Variants in EBF2 observed in about 807,000 individuals in gnomAD.
EBF2 encodes EBF transcription factor 2, also known as transcription factor COE2.
A neutral mutation model predicts 72.8 loss-of-function variants in EBF2; 21 were observed. The ratio of observed to expected loss-of-function variants is 0.29; its 90% CI spans 0.20 to 0.42. EBF2 has a LOEUF of 0.42. Ranked by LOEUF, EBF2 falls within the 10% of genes least tolerant of loss-of-function variation. The pLI, the probability that EBF2 is intolerant of heterozygous loss-of-function variation, is 1.00. For synonymous variants in EBF2, 299 were observed against 274.2 expected (o/e 1.09, Z -0.89); for missense variants, 637 against 731.2 (o/e 0.87, Z 1.49).
intron 6 of EBF2, among the ~76,000 whole-genome samples, chr8:25,934,374 C>T (rs1185277600): frequency 6.6e-6 from 1 of 152,126 alleles, no homozygotes; most frequent in Non-Finnish European, 1.5e-5. Flanking sequence ...TGACTTCATC[C>T]TCTGATAATT....
intron 10 of EBF2, among the ~76,000 whole-genome samples, chr8:25,885,450 A>G (rs1005584223): frequency 6.6e-6 from 1 of 152,266 alleles, no homozygotes; most frequent in East Asian, 1.9e-4. Flanking sequence ...TTCCATCTCT[A>G]TGAATTTGAC....
At chr8:25,897,761 A>G (rs1802882943) in intron 7 of EBF2, among the ~76,000 whole-genome samples, 1 of 152,220 alleles carries the variant, frequency 6.6e-6, no homozygotes, top group South Asian at 2.1e-4. Context: ...CTGATCCACC[A>G]TTGATGAGCA....
intron 6 of EBF2, among the ~76,000 whole-genome samples, chr8:25,997,414 T>C (rs561017016): frequency 7.9e-5 from 12 of 151,740 alleles, no homozygotes; most frequent in Middle Eastern, 6.8e-3. Context: ...CTATAAACAA[T>C]ACAAAAATTA....
chr8:26,025,722 T>C (rs1805293827), intron 6 of EBF2, among the ~76,000 whole-genome samples: 1 of 152,180 alleles, frequency 6.6e-6, no homozygotes, highest in Non-Finnish European at 1.5e-5. Flanking sequence ...TTATCTTACC[T>C]GTAATTCCCT....
chr8:25,888,850 C>T (rs1396825226), intron 8 of EBF2, among the ~76,000 whole-genome samples: 2 of 152,192 alleles, frequency 1.3e-5, no homozygotes, highest in Admixed American at 6.5e-5. Context: ...CCCCTTTGAA[C>T]AGCCAGTCAA....
intron 6 of EBF2, among the ~76,000 whole-genome samples, chr8:25,979,128 G>A (rs1043348486): frequency 6.6e-6 from 1 of 152,196 alleles, no homozygotes; most frequent in Non-Finnish European, 1.5e-5. Flanking sequence ...CTCTGTCACT[G>A]TCACACCCAA....
In EBF2 at chr8:25,922,485, T is replaced by C. The variant is rs146783661; in HGVS notation, c.552-13930A>G. 6.0e-3 allele frequency among the ~76,000 whole-genome samples: 911 copies of C among 152,310 alleles called. 5 individuals are homozygous for C. The highest frequency in any genetic ancestry group is 9.8e-3 in the Non-Finnish European group (668 of 68,028). ...ATGAGTCAAATAAGAAAAGCTTTCT[T>C]GAGAAAAAGAATGTGGGGCTTTTAG... On this transcript the variant is annotated intron_variant, in intron 6 of 15. Coordinates refer to ENST00000520164, the MANE Select transcript of EBF2 (RefSeq NM_022659.4).
chr8:26,005,327 AATTATAT>A (rs1563205689), intron 6 of EBF2, among the ~76,000 whole-genome samples: 1 of 136 alleles, frequency 7.4e-3, no homozygotes, highest in African/African-American at 0.026. Context: ...TATTATATAT[AATTATAT>A]ATTATATATA....
intron 14 of EBF2, among the ~76,000 whole-genome samples, chr8:25,856,144 C>T (rs999519140): frequency 6.6e-6 from 1 of 152,126 alleles, no homozygotes; most frequent in Admixed American, 6.6e-5. Context: ...CATTTTCATT[C>T]ATCTTTTTTT....
chr8:25,959,490 C>A lies in EBF2; in HGVS notation c.552-50935G>T, dbSNP rs147371382. ...AAAGTGCTGGGATTACAGGCATGAG[C>A]CACAAGGCCTGGCCTAAGATATCTT... On this transcript the variant is annotated intron_variant, in intron 6 of 15. Transcript: ENST00000520164. Among the ~76,000 whole-genome samples the A allele has an allele frequency of 9.3e-3, 1,417 of 152,368 alleles. 12 individuals are homozygous for A. Among genetic ancestry groups the A allele is most frequent in the Non-Finnish European group, 0.015 (1,018 of 68,036 alleles).
chr8:25,961,513 C>A (rs1804033583), intron 6 of EBF2, among the ~76,000 whole-genome samples: 1 of 152,122 alleles, frequency 6.6e-6, no homozygotes, highest in Admixed American at 6.5e-5. Context: ...CAGGCACCCG[C>A]CACCACGCCC....
At chr8:25,856,698 A>T (rs1163164390) in intron 14 of EBF2, among the ~76,000 whole-genome samples, 1 of 152,172 alleles carries the variant, frequency 6.6e-6, no homozygotes, top group Non-Finnish European at 1.5e-5. Flanking sequence ...TGGTCTCTTT[A>T]CCACACCAGA....
chr8:25,925,356 A>T (rs1803369542), intron 6 of EBF2, among the ~76,000 whole-genome samples: 1 of 152,074 alleles, frequency 6.6e-6, no homozygotes, highest in Non-Finnish European at 1.5e-5. Flanking sequence ...GGACAAAAAC[A>T]GGGCAATGGG....
chr8:25,974,294 C>T (rs890585901), intron 6 of EBF2, among the ~76,000 whole-genome samples: 1 of 152,230 alleles, frequency 6.6e-6, no homozygotes, highest in African/African-American at 2.4e-5. Context: ...CCACTGACTT[C>T]CTGTCATCCC....
chr8:25,989,712 T>C (rs1376849578), intron 6 of EBF2, among the ~76,000 whole-genome samples: 1 of 152,226 alleles, frequency 6.6e-6, no homozygotes, highest in Non-Finnish European at 1.5e-5. Flanking sequence ...CATTGTGTAT[T>C]CCATGTAAAT....
chr8:25,913,899 T>G (rs1351563612), intron 6 of EBF2, among the ~76,000 whole-genome samples: 2 of 152,216 alleles, frequency 1.3e-5, no homozygotes, highest in Non-Finnish European at 2.9e-5. Context: ...TAAAATACAA[T>G]TGAGTTTCAT....
chr8:26,009,260 C>T (rs1194848398), intron 6 of EBF2, among the ~76,000 whole-genome samples: 1 of 151,984 alleles, frequency 6.6e-6, no homozygotes, highest in African/African-American at 2.4e-5. Flanking sequence ...TTTTTTTCCC[C>T]CAGAAAGAAG....
intron 14 of EBF2, among the ~76,000 whole-genome samples, chr8:25,856,623 G>C (rs1286406428): frequency 3.9e-5 from 6 of 152,144 alleles, no homozygotes; most frequent in Admixed American, 1.3e-4. Context: ...TGTTGTCACT[G>C]TTATATCATT....
At position 26,045,009 on chromosome 8, in the gene EBF2, AG is replaced by A; in HGVS notation, c.-151del. 1.2e-6 allele frequency: 1 copy of A among 830,074 alleles called. No individual in the cohort carries two copies. The highest frequency in any genetic ancestry group is 1.8e-6 in the Non-Finnish European group (1 of 550,298). 51.4% of individuals were successfully genotyped at this position (830,074 alleles called of 1,614,324 possible). A position where few individuals can be genotyped will look rare whatever the true frequency, so the allele number is the denominator to read the frequency against. ...AGTTTGAGTCTTAGAAAAAAAAAAA[AG>A]ATAACCCGTCCTTTGCTTCACTGGC... On this transcript the variant is annotated 5_prime_UTR_variant, in exon 1 of 16. Coordinates refer to ENST00000520164, the MANE Select transcript of EBF2 (RefSeq NM_022659.4).
Sources: allele counts gnomAD v4.1 joint callset (sites outside exome capture counted in the v4.1 genomes callset), GRCh38; gene constraint gnomAD v4.1.1; transcripts MANE v1.5; gene names NCBI Gene and HGNC (gene_info 2026-07-23, HGNC 2026-07-21).